Variants in MRTFA observed in about 807,000 individuals in gnomAD.
The protein encoded by MRTFA is myocardin-related transcription factor A.
Under a neutral mutation model 83.5 loss-of-function variants are expected in MRTFA, and 20 were observed. The ratio of observed to expected loss-of-function variants is 0.24; its 90% CI spans 0.17 to 0.35. The LOEUF (loss-of-function observed/expected upper bound fraction) is 0.35, where lower values mean the gene tolerates loss of function less well. Among genes scored for constraint, MRTFA ranks in the 10% least tolerant of loss-of-function variants. The pLI is 1.00. For synonymous variants in MRTFA, 659 were observed against 541.2 expected, an observed-to-expected ratio of 1.22 and a Z score of -3.02; for missense variants, 1,200 against 1,224.7, an observed-to-expected ratio of 0.98 and a Z score of 0.30.
chr22:40,420,656 G>C, intron 10 of MRTFA, 80 bp from the exon 11 acceptor site: 2 of 1,569,854 alleles, frequency 1.3e-6, no homozygotes, highest in Non-Finnish European at 1.7e-6. Context: ...CTGGGCAGCA[G>C]GATTGGGTAC....
At chr22:40,529,069 G>A (rs911667230) in intron 3 of MRTFA, among the ~76,000 whole-genome samples, 12 of 151,910 alleles carry the variant, frequency 7.9e-5, no homozygotes, top group Non-Finnish European at 1.5e-4. Flanking sequence ...AACCCAAATG[G>A]GGCACCTTCC....
chr22:40,617,074 G>C (rs1333492221), intron 1 of MRTFA, among the ~76,000 whole-genome samples: 3 of 151,042 alleles, frequency 2.0e-5, no homozygotes, highest in African/African-American at 7.3e-5. Flanking sequence ...CTGCACTCCA[G>C]CTTGGATAAC....
At chr22:40,574,132 G>C (rs1294011929) in intron 2 of MRTFA, among the ~76,000 whole-genome samples, 1 of 152,126 alleles carries the variant, frequency 6.6e-6, no homozygotes, top group Non-Finnish European at 1.5e-5. Context: ...CAATGACCAT[G>C]ATACAGTCTG....
intron 2 of MRTFA, among the ~76,000 whole-genome samples, chr22:40,589,785 T>C (rs2056091164): frequency 6.6e-6 from 1 of 152,024 alleles, no homozygotes; most frequent in Admixed American, 6.5e-5. Context: ...TCCCAGCACT[T>C]TGGGAGGCCG....
intron 1 of MRTFA, among the ~76,000 whole-genome samples, chr22:40,628,951 T>A (rs2056610824): frequency 6.6e-6 from 1 of 151,834 alleles, no homozygotes; most frequent in African/African-American, 2.4e-5. Context: ...TGACACAGAG[T>A]GTAATTATCT....
chr22:40,418,922 C>T lies in MRTFA; in HGVS notation c.1816G>A (p.Gly606Arg), dbSNP rs373851546. ...CCCCCAGGGCTCAGGCAACAGGACC[C>T]GGCCCGGGGGCCCTCCTCCTTCACG... Residue 606 changes from glycine (G) to arginine (R), a missense_variant, in exon 12 of 15, where the codon GGG becomes AGG. Gly to Arg is a moderately radical substitution (Grantham distance 125, BLOSUM62 -2). Transcript: ENST00000355630. 5.1e-5 allele frequency: 82 copies of T among 1,612,792 alleles called. No homozygotes were observed. Among genetic ancestry groups the T allele is most frequent in the African/African-American group, 1.7e-4 (13 of 75,044 alleles).
At chr22:40,428,303 A>C (rs2052996700) in intron 7 of MRTFA, among the ~76,000 whole-genome samples, 1 of 152,170 alleles carries the variant, frequency 6.6e-6, no homozygotes, top group South Asian at 2.1e-4. Context: ...ATGGCATCTG[A>C]AAAGAAATGG....
At chr22:40,555,937 C>A (rs996524274) in intron 2 of MRTFA, among the ~76,000 whole-genome samples, 1 of 152,028 alleles carries the variant, frequency 6.6e-6, no homozygotes, top group Non-Finnish European at 1.5e-5. Context: ...CCATGCCCAG[C>A]CCTAAGAATA....
chr22:40,513,461 C>T (rs1209088420), intron 3 of MRTFA, among the ~76,000 whole-genome samples: 1 of 151,762 alleles, frequency 6.6e-6, no homozygotes, highest in Non-Finnish European at 1.5e-5. Context: ...ATTAGCTGGG[C>T]ATGGTGGTGT....
intron 1 of MRTFA, among the ~76,000 whole-genome samples, chr22:40,594,957 C>T (rs1332726940): frequency 6.6e-6 from 1 of 150,966 alleles, no homozygotes; most frequent in Non-Finnish European, 1.5e-5. Context: ...TGGGCACTTC[C>T]TATATGCTAG....
intron 2 of MRTFA, among the ~76,000 whole-genome samples, chr22:40,591,900 T>C (rs1055829663): frequency 6.6e-6 from 1 of 152,168 alleles, no homozygotes; most frequent in African/African-American, 2.4e-5. Context: ...CAGTATAGTA[T>C]CTCCAGGTAA....
At chr22:40,498,184 C>G (rs1157717303) in intron 3 of MRTFA, among the ~76,000 whole-genome samples, 2 of 147,594 alleles carry the variant, frequency 1.4e-5, no homozygotes, top group African/African-American at 5.0e-5. Context: ...ATATAGCATG[C>G]ACTTACAAAA....
chr22:40,598,823 C>T (rs1046224957), intron 1 of MRTFA, among the ~76,000 whole-genome samples: 27 of 144,244 alleles, frequency 1.9e-4, no homozygotes, highest in Admixed American at 1.5e-3. Flanking sequence ...TCCGTCGCTA[C>T]TTTAAAAAAA....
intron 4 of MRTFA, among the ~76,000 whole-genome samples, chr22:40,448,135 C>A (rs2053417049): frequency 6.6e-6 from 1 of 152,192 alleles, no homozygotes; most frequent in Non-Finnish European, 1.5e-5. Flanking sequence ...CACGGTGAAA[C>A]CCCATCTCTA....
At chr22:40,599,892 C>T (rs768427364) in intron 1 of MRTFA, among the ~76,000 whole-genome samples, 8 of 142,340 alleles carry the variant, frequency 5.6e-5, no homozygotes, top group African/African-American at 1.6e-4. Flanking sequence ...GAGTGAGACA[C>T]GCTGTGTCTT....
At chr22:40,586,923 G>A in intron 2 of MRTFA, 1 of 426,820 alleles carries the variant, frequency 2.3e-6, no homozygotes, top group South Asian at 1.7e-5. Flanking sequence ...TGCTGGTGCT[G>A]GTGCTGCTGC....
At chr22:40,570,072 A>T (rs1358964830) in intron 2 of MRTFA, among the ~76,000 whole-genome samples, 3 of 152,166 alleles carry the variant, frequency 2.0e-5, no homozygotes, top group Non-Finnish European at 4.4e-5. Flanking sequence ...AACCTCACTT[A>T]GATCATTGTG....
intron 3 of MRTFA, among the ~76,000 whole-genome samples, chr22:40,500,871 C>A (rs2054456500): frequency 6.6e-6 from 1 of 151,284 alleles, no homozygotes; most frequent in African/African-American, 2.4e-5. Flanking sequence ...CACAAAGCCG[C>A]CATTGTCATC....
intron 3 of MRTFA, among the ~76,000 whole-genome samples, chr22:40,477,957 G>C (rs1485554212): frequency 6.6e-6 from 1 of 152,032 alleles, no homozygotes; most frequent in East Asian, 1.9e-4. Context: ...AGAGGCAGAA[G>C]AATCAGTACC....
Sources: gnomAD v4.1 joint callset for allele counts (sites outside exome capture counted in the v4.1 genomes callset) on GRCh38, gnomAD v4.1.1 for gene constraint, MANE v1.5 for transcripts, NCBI Gene and HGNC (gene_info 2026-07-23, HGNC 2026-07-21) for gene names.